DYM: variants seen among roughly 807,000 people sequenced by gnomAD.
The protein encoded by DYM is dyggve-Melchior-Clausen syndrome protein.
In DYM, 78 loss-of-function variants were observed where a neutral mutation model predicts 93.1. That is an observed-to-expected ratio of 0.84 (90% CI 0.70 to 1.01). The LOEUF (loss-of-function observed/expected upper bound fraction) is 1.01, where lower values mean the gene tolerates loss of function less well. DYM is among the 50% of genes least tolerant of loss of function. The probability of loss-of-function intolerance (pLI) is 0.00; values close to 1 mark genes in which losing one functional copy is unlikely to be tolerated. For synonymous variants in DYM, 321 were observed against 319.7 expected (o/e 1.00, Z -0.04); for missense variants, 789 against 845.0 (o/e 0.93, Z 0.82).
At chr18:49,206,739 G>A (rs1263639147) in intron 14 of DYM, among the ~76,000 whole-genome samples, 1 of 152,154 alleles carries the variant, frequency 6.6e-6, no homozygotes, top group Admixed American at 6.5e-5. Flanking sequence ...TATTAACACT[G>A]TATTTCTTCT....
rs1018953742 is a variant in DYM at position 49,452,702 on chromosome 18, G to A, written c.-54+7696C>T. ...GACGAGCGCCGCTCCCTGCTCCCCA[G>A]CGCCTGGTCCCATCAACCGCCCAAG... On this transcript the variant is annotated intron_variant, in intron 1 of 17. Transcript: ENST00000675505. Among the ~76,000 whole-genome samples the A allele has an allele frequency of 8.0e-5, 11 of 137,818 alleles. 4 individuals are homozygous for A. Among genetic ancestry groups the A allele is most frequent in the African/African-American group, 2.5e-4 (9 of 35,670 alleles). The allele number at this position is 137,818 out of a possible 152,430, so 90.4% of individuals were successfully genotyped here.
intron 17 of DYM, among the ~76,000 whole-genome samples, chr18:49,063,164 C>T (rs887491040): frequency 1.3e-5 from 2 of 152,174 alleles, no homozygotes; most frequent in African/African-American, 2.4e-5. Flanking sequence ...ACAACTGCTA[C>T]AGAACCCTCC....
chr18:49,147,752 A>C (rs994289477), intron 15 of DYM, among the ~76,000 whole-genome samples: 2 of 152,154 alleles, frequency 1.3e-5, no homozygotes, highest in African/African-American at 4.8e-5. Context: ...GTGGGACTGT[A>C]AACTAGTTCA....
chr18:49,450,466 A>G (rs2082431287), intron 1 of DYM, among the ~76,000 whole-genome samples: 1 of 152,220 alleles, frequency 6.6e-6, no homozygotes, highest in Non-Finnish European at 1.5e-5. Flanking sequence ...GGCAAAATAA[A>G]TAATGGCAAT....
At position 49,364,453 on chromosome 18, in the gene DYM, A is replaced by AG. The variant is rs1019046311; in HGVS notation, c.422-1221_422-1220insC. 7.2e-5 allele frequency among the ~76,000 whole-genome samples: 11 copies of AG among 151,954 alleles called. No homozygotes were observed. In the East Asian group the frequency reaches 1.7e-3, roughly 24 times the overall value. On this transcript the variant is annotated intron_variant, in intron 5 of 17. Transcript: ENST00000675505. ...AAACAAGACTGTGTCTCAAAAAAAA[A>AG]AAAGAAAGAAAGAAAGAAAACTGAC...
chr18:49,293,263 T>C (rs1017572110), intron 8 of DYM, among the ~76,000 whole-genome samples: 4 of 152,216 alleles, frequency 2.6e-5, no homozygotes, highest in Non-Finnish European at 4.4e-5. Context: ...CTTTTCTATG[T>C]GAATAGTGCT....
chr18:49,283,799 A>C (rs1180577782), intron 9 of DYM, among the ~76,000 whole-genome samples: 1 of 152,224 alleles, frequency 6.6e-6, no homozygotes, highest in Non-Finnish European at 1.5e-5. Flanking sequence ...GTGTTCCAAC[A>C]CAATCCTTGC....
intron 14 of DYM, chr18:49,206,327 A>C (rs1419939053): frequency 1.3e-5 from 2 of 154,654 alleles, no homozygotes; most frequent in Non-Finnish European, 2.9e-5. Flanking sequence ...AAATAAGCTT[A>C]TATTTCTCTC....
At chr18:49,418,450 GA>G (rs1384297251) in intron 2 of DYM, among the ~76,000 whole-genome samples, 2 of 151,960 alleles carry the variant, frequency 1.3e-5, no homozygotes, top group African/African-American at 4.8e-5. Context: ...TTAACAGGGT[GA>G]AAAAATAAAA....
chr18:49,456,368 G>C (rs971164805), intron 1 of DYM, among the ~76,000 whole-genome samples: 2 of 152,144 alleles, frequency 1.3e-5, no homozygotes, highest in African/African-American at 4.8e-5. Flanking sequence ...ACTGATACAG[G>C]TAGGGTTTTC....
At chr18:49,250,399 C>A (rs1280231048) in intron 13 of DYM, among the ~76,000 whole-genome samples, 1 of 152,176 alleles carries the variant, frequency 6.6e-6, no homozygotes, top group Non-Finnish European at 1.5e-5. Context: ...CTGAAAGAAG[C>A]CAGGTAACCA....
In DYM at chr18:49,085,606, CTTTTTTTTT is replaced by C. The variant is rs11437833; in HGVS notation, c.2025+11787_2025+11795del. ...GGCAGATGAATAAGGACAACTGGTC[CTTTTTTTTT>C]TTTTTTTTTTTTGATGGAGTCTCAC... On this transcript the variant is annotated intron_variant, in intron 17 of 17. Transcript: ENST00000675505. Among the ~76,000 whole-genome samples the C allele has an allele frequency of 1.3e-4, 13 of 102,156 alleles. 1 individual carries two copies. The highest frequency in any genetic ancestry group is 2.9e-4 in the African/African-American group (8 of 27,728). The allele number at this position is 102,156 out of a possible 152,430, so 67.0% of individuals were successfully genotyped here.
At chr18:49,254,269 A>G (rs1307787613) in intron 13 of DYM, among the ~76,000 whole-genome samples, 1 of 146,830 alleles carries the variant, frequency 6.8e-6, no homozygotes, top group African/African-American at 2.5e-5. Flanking sequence ...GCTGTATAAA[A>G]GATCCTTGTA....
intron 15 of DYM, among the ~76,000 whole-genome samples, chr18:49,127,741 G>C (rs1470766207): frequency 1.3e-5 from 2 of 152,158 alleles, no homozygotes; most frequent in Non-Finnish European, 2.9e-5. Flanking sequence ...AAGCTTTGTG[G>C]CCATGTTATT....
At position 49,248,837 on chromosome 18, in the gene DYM, G is replaced by A. The variant is rs569019186; in HGVS notation, c.1460+8173C>T. Among the ~76,000 whole-genome samples, 21 of 130,184 alleles carry A rather than the reference G, an allele frequency of 1.6e-4. No individual in the cohort carries two copies. The South Asian group carries it at 5.1e-3, about 32-fold the overall frequency. The allele number at this position is 130,184 out of a possible 152,430, so 85.4% of individuals were successfully genotyped here. A position where few individuals can be genotyped will look rare whatever the true frequency, so the allele number is the denominator to read the frequency against. ...ACACAGTTCTTATCACTCTTTTCCA[G>A]GATAATTTCCACATACCATGTATTG... On this transcript the variant is annotated intron_variant, in intron 13 of 17. Transcript: ENST00000675505.
chr18:49,228,546 G>C (rs922929012), intron 13 of DYM, among the ~76,000 whole-genome samples: 2 of 152,146 alleles, frequency 1.3e-5, no homozygotes, highest in East Asian at 1.9e-4. Context: ...CAGCAGAATA[G>C]AGAACTAGAA....
intron 17 of DYM, among the ~76,000 whole-genome samples, chr18:49,083,693 A>G (rs1266157592): frequency 6.6e-6 from 1 of 152,190 alleles, no homozygotes; most frequent in Non-Finnish European, 1.5e-5. Flanking sequence ...AGGTCTATTC[A>G]GTTTTTAATA....
chr18:49,056,704 ATT>A (rs71165363), intron 17 of DYM, among the ~76,000 whole-genome samples: 39,483 of 143,160 alleles, frequency 0.28, 5,373 homozygotes, highest in East Asian at 0.43. Context: ...CAACTGGGTA[ATT>A]TTTTTTTTTT....
At chr18:49,256,532 C>T (rs1324008815) in intron 13 of DYM, among the ~76,000 whole-genome samples, 1 of 152,178 alleles carries the variant, frequency 6.6e-6, no homozygotes, top group East Asian at 1.9e-4. Flanking sequence ...CCACAGTGGA[C>T]TTCTAAACTA....
Sources: gnomAD v4.1 joint callset for allele counts (sites outside exome capture counted in the v4.1 genomes callset) on GRCh38, gnomAD v4.1.1 for gene constraint, MANE v1.5 for transcripts, NCBI Gene and HGNC (gene_info 2026-07-23, HGNC 2026-07-21) for gene names.